Variants in GDPD1 observed in about 807,000 individuals in gnomAD.
GDPD1 encodes the protein lysophospholipase D GDPD1.
Under a neutral mutation model 45.1 loss-of-function variants are expected in GDPD1, and 28 were observed. The observed-to-expected ratio is 0.62, with a 90% CI of 0.46 to 0.85. The LOEUF (loss-of-function observed/expected upper bound fraction) is 0.85, where lower values mean the gene tolerates loss of function less well. Ranked by LOEUF, GDPD1 falls within the 40% of genes least tolerant of loss-of-function variation. The pLI is 0.00. For synonymous variants in GDPD1, 139 were observed against 131.4 expected (o/e 1.06, Z -0.40); for missense variants, 256 against 364.8 (o/e 0.70, Z 2.43).
At chr17:59,233,636 G>A (rs1947366998) in intron 1 of GDPD1, among the ~76,000 whole-genome samples, 1 of 151,800 alleles carries the variant, frequency 6.6e-6, no homozygotes, top group South Asian at 2.1e-4. Context: ...ATGCTACTAT[G>A]TTACTTAGTT....
chr17:59,226,761 C>T (rs1466800587), intron 1 of GDPD1, among the ~76,000 whole-genome samples: 5 of 151,960 alleles, frequency 3.3e-5, no homozygotes, highest in South Asian at 2.1e-4. Context: ...CTGCAACTTC[C>T]GCCCCCTGGG....
chr17:59,273,418 G>A (rs973806212), intron 9 of GDPD1, among the ~76,000 whole-genome samples: 10 of 151,952 alleles, frequency 6.6e-5, no homozygotes, highest in Non-Finnish European at 8.8e-5. Flanking sequence ...GTGAGCCACC[G>A]CGCTCAGCCA....
chr17:59,243,951 G>A lies in GDPD1; in HGVS notation c.186-1463G>A, dbSNP rs192682596. ...AGACATAGGCCCTTCTGTTAGTGGC[G>A]GTGAATCCATAGAGGTCTGCAGCAA... On this transcript the variant is annotated intron_variant, in intron 2 of 9. Coordinates refer to ENST00000284116, the MANE Select transcript of GDPD1 (RefSeq NM_182569.4). 1.7e-4 allele frequency among the ~76,000 whole-genome samples: 26 copies of A among 152,178 alleles called. No individual in the cohort carries two copies. In the South Asian group the frequency reaches 3.9e-3, roughly 23 times the overall value.
intron 2 of GDPD1, among the ~76,000 whole-genome samples, chr17:59,244,094 T>C (rs747912382): frequency 6.6e-6 from 1 of 152,164 alleles, no homozygotes; most frequent in African/African-American, 2.4e-5. Context: ...AGAGCAGGAA[T>C]GAAAAGAAGT....
intron 4 of GDPD1, among the ~76,000 whole-genome samples, chr17:59,255,815 G>GCA (rs2047299216): frequency 2.0e-5 from 1 of 49,180 alleles, no homozygotes; most frequent in Non-Finnish European, 3.2e-5. Flanking sequence ...ATATATACGC[G>GCA]TATATATATA....
intron 1 of GDPD1, among the ~76,000 whole-genome samples, chr17:59,232,848 C>T (rs978107601): frequency 6.6e-6 from 1 of 151,952 alleles, no homozygotes; most frequent in Non-Finnish European, 1.5e-5. Context: ...GAACCCACTT[C>T]CTGGTCCTTC....
chr17:59,224,648 AAAAAC>A (rs2047033659), intron 1 of GDPD1, among the ~76,000 whole-genome samples: 3 of 124,326 alleles, frequency 2.4e-5, no homozygotes, highest in Admixed American at 1.6e-4. Flanking sequence ...AACAAAAAAC[AAAAAC>A]AAAAAAAACT....
At chr17:59,249,366 G>A (rs2047236152) in intron 4 of GDPD1, 1 of 152,114 alleles carries the variant, frequency 6.6e-6, no homozygotes, top group African/African-American at 2.4e-5. Context: ...TTGCACTCCA[G>A]CCTGGGCAAC....
Position 59,275,072 on chromosome 17 carries a change from C to T in GDPD1, c.*1299C>T. 8.9e-7 allele frequency: 1 copy of T among 1,120,812 alleles called. No homozygotes were observed. Among genetic ancestry groups the T allele is most frequent in the South Asian group, 1.3e-5 (1 of 75,526 alleles). 69.4% of individuals were successfully genotyped at this position (1,120,812 alleles called of 1,614,324 possible). A position where few individuals can be genotyped will look rare whatever the true frequency, so the allele number is the denominator to read the frequency against. Reference sequence around the variant, plus strand: ...GGCCAGACTGGTCTCGAACTCCTGACCTCAGGTGATCCACCCACCTCGGCC... The same window carrying T: ...GGCCAGACTGGTCTCGAACTCCTGATCTCAGGTGATCCACCCACCTCGGCC... On this transcript the variant is annotated 3_prime_UTR_variant, in exon 10 of 10. Coordinates refer to ENST00000284116, the MANE Select transcript of GDPD1 (RefSeq NM_182569.4).
chr17:59,251,049 C>T (rs1437879640), intron 4 of GDPD1, among the ~76,000 whole-genome samples: 1 of 152,092 alleles, frequency 6.6e-6, no homozygotes, highest in Non-Finnish European at 1.5e-5. Context: ...CTAATCTTGT[C>T]TTCTGTTATA....
At chr17:59,230,358 G>T (rs1416661694) in intron 1 of GDPD1, among the ~76,000 whole-genome samples, 1 of 147,672 alleles carries the variant, frequency 6.8e-6, no homozygotes, top group Non-Finnish European at 1.5e-5. Flanking sequence ...TATTGAACAG[G>T]CCAGTTGTAG....
Position 59,272,775 on chromosome 17 carries a change from TC to T in GDPD1, c.771-9del. ...AAATTCCTAAATCAGTTTTGCTTTT[TC>T]TTTTCTAGCTTACTAATGAGGAAAG... On this transcript the variant is annotated splice_polypyrimidine_tract_variant and intron_variant, in intron 8 of 9. Coordinates refer to ENST00000284116, the MANE Select transcript of GDPD1 (RefSeq NM_182569.4). 1 of 1,578,864 alleles carries T rather than the reference TC, an allele frequency of 6.3e-7. No homozygotes were observed. Among genetic ancestry groups the T allele is most frequent in the Non-Finnish European group, 8.7e-7 (1 of 1,147,892 alleles).
At chr17:59,262,727 A>T (rs1295852867) in intron 6 of GDPD1, among the ~76,000 whole-genome samples, 1 of 150,664 alleles carries the variant, frequency 6.6e-6, no homozygotes, top group African/African-American at 2.5e-5. Flanking sequence ...TTCCGGGTTC[A>T]AGCGATTTTC....
intron 7 of GDPD1, among the ~76,000 whole-genome samples, chr17:59,268,599 A>AG (rs1361312978): frequency 6.7e-6 from 1 of 150,042 alleles, no homozygotes; most frequent in Non-Finnish European, 1.5e-5. Context: ...AAAAAAAAAA[A>AG]AAAGAAAAGA....
rs149536097 is a variant in GDPD1, at chr17:59,222,505, C to CTTTTTTTT, written c.142+1773_142+1780dup. ...ACAGGCGTGAGCCACAGTGCCCAGC[C>CTTTTTTTT]TTTTTTTTTTTTTTTTTTTTTTTTT... is the stretch of plus-strand genomic sequence containing the variant. On this transcript the variant is annotated intron_variant, in intron 1 of 9. Transcript: ENST00000284116. 1.6e-3 allele frequency among the ~76,000 whole-genome samples: 68 copies of CTTTTTTTT among 41,738 alleles called. 5 individuals carry two copies. The highest frequency in any genetic ancestry group is 5.2e-3 in the African/African-American group (58 of 11,122). 27.4% of individuals were successfully genotyped at this position (41,738 alleles called of 152,430 possible).
intron 1 of GDPD1, among the ~76,000 whole-genome samples, chr17:59,231,329 T>C (rs960630574): frequency 6.9e-6 from 1 of 145,040 alleles, no homozygotes; most frequent in Non-Finnish European, 1.5e-5. Context: ...TCTTTCTTTT[T>C]TTTTTTTTTT....
chr17:59,226,556 T>C lies in GDPD1; in HGVS notation c.142+5805T>C, dbSNP rs368084194. Among the ~76,000 whole-genome samples, 11 of 152,308 alleles carry C rather than the reference T, an allele frequency of 7.2e-5. No individual in the cohort carries two copies. In the East Asian group the frequency reaches 1.7e-3, roughly 24 times the overall value. Reference sequence around the variant, plus strand: ...TTTCTGTTGATTATTAATTAGGTCATCATAAAAATACAACCTAACAATATA... The same window carrying C: ...TTTCTGTTGATTATTAATTAGGTCACCATAAAAATACAACCTAACAATATA... On this transcript the variant is annotated intron_variant, in intron 1 of 9. Coordinates refer to ENST00000284116, the MANE Select transcript of GDPD1 (RefSeq NM_182569.4).
intron 2 of GDPD1, among the ~76,000 whole-genome samples, chr17:59,241,410 C>T (rs1295982450): frequency 4.6e-5 from 7 of 152,054 alleles, no homozygotes; most frequent in Admixed American, 6.6e-5. Flanking sequence ...CTCTGCCTCC[C>T]GGGTTCAAGC....
intron 2 of GDPD1, among the ~76,000 whole-genome samples, chr17:59,234,768 T>C (rs915053873): frequency 6.6e-6 from 1 of 152,214 alleles, no homozygotes; most frequent in African/African-American, 2.4e-5. Flanking sequence ...CAAAAGATAC[T>C]ATAGTTACAA....
Sources: gnomAD v4.1 joint callset for allele counts (sites outside exome capture counted in the v4.1 genomes callset) on GRCh38, gnomAD v4.1.1 for gene constraint, MANE v1.5 for transcripts, NCBI Gene and HGNC (gene_info 2026-07-23, HGNC 2026-07-21) for gene names.